FAM174B: variants seen among roughly 807,000 people sequenced by gnomAD.
FAM174B encodes family with sequence similarity 174 member B.
A neutral mutation model predicts 10.9 loss-of-function variants in FAM174B; 12 were observed. That is an observed-to-expected ratio of 1.10 (90% CI 0.71 to 1.79). The LOEUF (loss-of-function observed/expected upper bound fraction) is 1.79. FAM174B is among the 40% of genes most tolerant of loss of function. The pLI, the probability that FAM174B is intolerant of heterozygous loss-of-function variation, is 0.00. For synonymous variants in FAM174B, 132 were observed against 115.8 expected (o/e 1.14, Z -0.90); for missense variants, 266 against 233.3 (o/e 1.14, Z -0.91).
rs2050701301 is a variant in FAM174B, at chr15:92,619,137, C to A, written c.*319G>T. ...GTCAACAATTGTCTTAAAAAAACTTCTTTAAAATCAACATGTTTCTACCCT... is the reference window on the plus strand; with the variant it reads ...GTCAACAATTGTCTTAAAAAAACTTATTTAAAATCAACATGTTTCTACCCT... On this transcript the variant is annotated 3_prime_UTR_variant, in exon 3 of 3. Coordinates refer to ENST00000327355, the MANE Select transcript of FAM174B (RefSeq NM_207446.3). The A allele has an allele frequency of 1.5e-6, 1 of 682,070 alleles. No individual in the cohort carries two copies. The highest frequency in any genetic ancestry group is 2.7e-5 in the East Asian group (1 of 36,974). 42.3% of individuals were successfully genotyped at this position (682,070 alleles called of 1,614,324 possible). A position where few individuals can be genotyped will look rare whatever the true frequency, so the allele number is the denominator to read the frequency against.
chr15:92,653,330 CT>C (rs1182528403), intron 1 of FAM174B: 2 of 152,244 alleles, frequency 1.3e-5, no homozygotes, highest in African/African-American at 4.8e-5. Context: ...GCCTTCTTTT[CT>C]CCCCTACTCC....
At chr15:92,653,060 C>G (rs1039305759) in intron 1 of FAM174B, 2 of 152,162 alleles carry the variant, frequency 1.3e-5, no homozygotes, top group Non-Finnish European at 2.9e-5. Context: ...CATCAGGGCC[C>G]TTGCAAGCTG....
At position 92,655,556 on chromosome 15, in the gene FAM174B, G is replaced by C. The variant is rs913547632; in HGVS notation, c.104C>G (p.Pro35Arg). 1.2e-5 allele frequency: 17 copies of C among 1,390,722 alleles called. No homozygotes were observed. The highest frequency in any genetic ancestry group is 1.6e-5 in the Non-Finnish European group (17 of 1,073,922). The allele number at this position is 1,390,722 out of a possible 1,614,324, so 86.1% of individuals were successfully genotyped here. Residue 35 changes from proline (P) to arginine (R), a missense_variant, in exon 1 of 3, where the codon CCG becomes CGG. Transcript: ENST00000327355. ...CGACTCGCGCTCGGGTTCGGGCCAC[G>C]GCGCGGAGACGGACTCGGCTCTGCT... ...RASRAESVSA[P>R]WPEPERESRP...
At chr15:92,654,194 T>C (rs7178546) in intron 1 of FAM174B, among the ~76,000 whole-genome samples, 118,535 of 152,112 alleles carry the variant, frequency 0.78, 46,708 homozygotes, top group East Asian at 0.97. Context: ...GCTCAATACA[T>C]AGATGGCTCC....
intron 1 of FAM174B, among the ~76,000 whole-genome samples, chr15:92,639,605 A>G (rs2050877108): frequency 6.6e-6 from 1 of 152,186 alleles, no homozygotes; most frequent in African/African-American, 2.4e-5. Context: ...TGTAATCCCC[A>G]GTGCTGGAGG....
At chr15:92,623,709 A>G (rs1157735359) in intron 2 of FAM174B, among the ~76,000 whole-genome samples, 2 of 152,226 alleles carry the variant, frequency 1.3e-5, no homozygotes, top group East Asian at 3.8e-4. Context: ...AAGAGGACGC[A>G]GTGGCCTTAT....
chr15:92,644,214 C>G (rs970231224), intron 1 of FAM174B, among the ~76,000 whole-genome samples: 3 of 152,098 alleles, frequency 2.0e-5, no homozygotes, highest in African/African-American at 7.2e-5. Flanking sequence ...AACAGGCTAG[C>G]CAGGGTCTCA....
chr15:92,633,749 G>A (rs1444666419), intron 1 of FAM174B, among the ~76,000 whole-genome samples: 1 of 152,114 alleles, frequency 6.6e-6, no homozygotes, highest in Non-Finnish European at 1.5e-5. Flanking sequence ...GGACTTAAAT[G>A]CTACCTTTAT....
At chr15:92,632,013 C>G (rs2050822536) in intron 1 of FAM174B, among the ~76,000 whole-genome samples, 1 of 152,108 alleles carries the variant, frequency 6.6e-6, no homozygotes, top group Non-Finnish European at 1.5e-5. Flanking sequence ...CCCTTACAAA[C>G]CAGGTGAGGG....
chr15:92,623,409 A>G (rs2050732607), intron 2 of FAM174B, among the ~76,000 whole-genome samples: 1 of 152,168 alleles, frequency 6.6e-6, no homozygotes, highest in Admixed American at 6.5e-5. Flanking sequence ...GAAAGAGTCA[A>G]TGCTGACCAC....
intron 1 of FAM174B, among the ~76,000 whole-genome samples, chr15:92,631,633 T>C (rs2141955362): frequency 6.8e-6 from 1 of 146,546 alleles, no homozygotes; most frequent in South Asian, 2.1e-4. Context: ...TAGCTGGGAC[T>C]ACAGGCGCCC....
intron 1 of FAM174B, among the ~76,000 whole-genome samples, chr15:92,650,782 T>C (rs184736761): frequency 3.1e-4 from 47 of 152,262 alleles, no homozygotes; most frequent in Non-Finnish European, 5.3e-4. Flanking sequence ...GCTTTCTACT[T>C]CCTAGAGACA....
At chr15:92,653,573 G>T (rs1233304188) in intron 1 of FAM174B, among the ~76,000 whole-genome samples, 1 of 152,250 alleles carries the variant, frequency 6.6e-6, no homozygotes. Flanking sequence ...AGATGAACTG[G>T]ACTTCCCAAC....
chr15:92,637,952 C>G (rs563640280), intron 1 of FAM174B, among the ~76,000 whole-genome samples: 14 of 152,338 alleles, frequency 9.2e-5, no homozygotes, highest in African/African-American at 3.4e-4. Context: ...AGTGCCCCCA[C>G]GTCCAGAGCC....
At chr15:92,648,126 A>G (rs1040567729) in intron 1 of FAM174B, among the ~76,000 whole-genome samples, 2 of 152,176 alleles carry the variant, frequency 1.3e-5, no homozygotes, top group South Asian at 2.1e-4. Flanking sequence ...AACCATCCAT[A>G]TATTGATTCA....
chr15:92,649,130 C>T (rs138783615), intron 1 of FAM174B, among the ~76,000 whole-genome samples: 111 of 152,330 alleles, frequency 7.3e-4, no homozygotes, highest in Non-Finnish European at 1.3e-3. Context: ...CAAGAAGAAC[C>T]TGCATTTGCA....
chr15:92,629,682 G>T (rs945352619), intron 2 of FAM174B, among the ~76,000 whole-genome samples: 6 of 152,210 alleles, frequency 3.9e-5, no homozygotes, highest in Admixed American at 6.5e-5. Flanking sequence ...TCTGGGTGCA[G>T]TGTGTTCTAG....
rs1381651594 is a variant in FAM174B at position 92,618,883 on chromosome 15, G to A, written c.*573C>T. ...AAGAAAGAAAAGGAGCCACAGACGT[G>A]TCCAGGTCTGGAAGGGGCTGACCAG... On this transcript the variant is annotated 3_prime_UTR_variant, in exon 3 of 3. Coordinates refer to ENST00000327355, the MANE Select transcript of FAM174B (RefSeq NM_207446.3). 1.1e-5 allele frequency: 3 copies of A among 284,932 alleles called. No homozygotes were observed. The highest frequency in any genetic ancestry group is 4.4e-5 in the African/African-American group (2 of 44,984). 17.7% of individuals were successfully genotyped at this position (284,932 alleles called of 1,614,324 possible).
chr15:92,625,991 G>A (rs371169834), intron 2 of FAM174B, among the ~76,000 whole-genome samples: 9 of 152,126 alleles, frequency 5.9e-5, no homozygotes, highest in African/African-American at 1.9e-4. Flanking sequence ...GAGATAAAAC[G>A]TTTAAGGACT....
Sources: gnomAD v4.1 joint callset for allele counts (sites outside exome capture counted in the v4.1 genomes callset) on GRCh38, gnomAD v4.1.1 for gene constraint, MANE v1.5 for transcripts, NCBI Gene and HGNC (gene_info 2026-07-23, HGNC 2026-07-21) for gene names.